The following TRAPPC10 variants were observed in gnomAD, a reference collection of about 807,000 sequenced individuals.
TRAPPC10 encodes the protein TRAPP 130 kDa subunit.
A neutral mutation model predicts 125.5 loss-of-function variants in TRAPPC10; 23 were observed. That is an observed-to-expected ratio of 0.18 (90% CI 0.13 to 0.26). The LOEUF is 0.26. Among genes scored for constraint, TRAPPC10 ranks in the 10% least tolerant of loss-of-function variants. TRAPPC10 has a pLI of 1.00. For synonymous variants in TRAPPC10, 509 were observed against 518.0 expected (o/e 0.98, Z 0.24); for missense variants, 1,123 against 1,308.4 (o/e 0.86, Z 2.19).
At chr21:44,044,660 C>CTTTTTTT (rs34356064) in intron 3 of TRAPPC10, among the ~76,000 whole-genome samples, 6 of 86,330 alleles carry the variant, frequency 7.0e-5, no homozygotes, top group African/African-American at 2.2e-4. Flanking sequence ...AAAATCATGT[C>CTTTTTTT]TTTTTTTTTT....
chr21:44,021,406 AAG>A (rs1201470516), intron 1 of TRAPPC10, among the ~76,000 whole-genome samples: 1 of 152,208 alleles, frequency 6.6e-6, no homozygotes, highest in Non-Finnish European at 1.5e-5. Context: ...AAAAAAGAAA[AAG>A]AGAAGGATAA....
intron 1 of TRAPPC10, among the ~76,000 whole-genome samples, chr21:44,027,138 G>T (rs1210775188): frequency 6.6e-6 from 1 of 152,142 alleles, no homozygotes; most frequent in Non-Finnish European, 1.5e-5. Context: ...AAGAAAAATT[G>T]TCCTGTATCA....
Position 44,084,158 on chromosome 21 carries a change from T to C in TRAPPC10, c.2275T>C (p.Cys759Arg). 2 of 1,614,250 alleles carry C rather than the reference T, an allele frequency of 1.2e-6. No homozygotes were observed. Among genetic ancestry groups the C allele is most frequent in the Non-Finnish European group, 1.7e-6 (2 of 1,180,048 alleles). The change falls in exon 15 of 23, where the codon TGC (cysteine) becomes CGC (arginine). Residue 759 changes from cysteine (C) to arginine (R), a missense_variant. Physicochemically the swap from Cys to Arg is radical, Grantham distance 180. This residue lies in a region of TRAPPC10 where 840 missense variants were observed against 902.0 expected (regional missense o/e 0.93). Transcript: ENST00000291574. ...TGGAACGTATACACTCAGGCAGCTGTGCGCCTCGGTGGGCTCCGTGTGGTT... is the reference window on the plus strand; with the variant it reads ...TGGAACGTATACACTCAGGCAGCTGCGCGCCTCGGTGGGCTCCGTGTGGTT... Reference protein sequence around the residue: ...EPGTYTLRQLCASVGSVWFVL... With the variant: ...EPGTYTLRQLRASVGSVWFVL...
In TRAPPC10 at chr21:44,087,822, C is replaced by A; in HGVS notation, c.2663C>A (p.Ala888Asp). 6.2e-7 allele frequency: 1 copy of A among 1,614,228 alleles called. No individual in the cohort carries two copies. Among genetic ancestry groups the A allele is most frequent in the Non-Finnish European group, 8.5e-7 (1 of 1,180,036 alleles). Reference sequence around the variant, plus strand: ...CTGGAAGTTCTCTCTTTACCTTCAGCCCCAGCACTCGGAGGGGAGAGTGAC... The same window carrying A: ...CTGGAAGTTCTCTCTTTACCTTCAGACCCAGCACTCGGAGGGGAGAGTGAC... ...FELEVLSLPSAPALGGESDML... is the reference protein window; with the variant it reads ...FELEVLSLPSDPALGGESDML... Residue 888 changes from alanine to aspartate, a missense_variant, in exon 17 of 23, where the codon GCC (alanine) becomes GAC (aspartate). By Grantham distance (126) the Ala-to-Asp change is moderately radical (BLOSUM62 -2). This residue lies in a region of TRAPPC10 where 840 missense variants were observed against 902.0 expected (regional missense o/e 0.93). Coordinates refer to ENST00000291574, the MANE Select transcript of TRAPPC10 (RefSeq NM_003274.5). This position sits in a 1 kb window ranked among gnomAD's most constrained non-coding sequence, Gnocchi z 4.6.
At chr21:44,061,859 T>C (rs2036082955) in intron 6 of TRAPPC10, among the ~76,000 whole-genome samples, 1 of 152,238 alleles carries the variant, frequency 6.6e-6, no homozygotes, top group Non-Finnish European at 1.5e-5. Context: ...GGTCATATCA[T>C]AGGAGCTTTA....
At chr21:44,054,942 G>C (rs973955313) in intron 4 of TRAPPC10, among the ~76,000 whole-genome samples, 1 of 152,120 alleles carries the variant, frequency 6.6e-6, no homozygotes, top group African/African-American at 2.4e-5. Flanking sequence ...AGAGGAGAGC[G>C]GGAGAAGGTC....
intron 18 of TRAPPC10, among the ~76,000 whole-genome samples, chr21:44,091,121 G>A (rs1326268306): frequency 6.6e-6 from 1 of 152,200 alleles, no homozygotes; most frequent in East Asian, 1.9e-4. Context: ...AACCTGGGAG[G>A]CAGAGGTTGC....
chr21:44,094,122 T>A lies in TRAPPC10; in HGVS notation c.3057T>A (p.Pro1019=), dbSNP rs1259454081. 1.4e-5 allele frequency: 22 copies of A among 1,614,074 alleles called. No homozygotes were observed. The highest frequency in any genetic ancestry group is 1.9e-5 in the Non-Finnish European group (22 of 1,179,974). The change falls in exon 20 of 23, where the codon CCT becomes CCA. Residue 1019 remains proline, a synonymous_variant. Transcript: ENST00000291574. ...FVWELKWTEE[P]PPSLHCRFSV... ...GGGAACTCAAGTGGACAGAAGAGCCTCCCCCTTCTCTGCATTGCCGGTTCT... is the reference window on the plus strand; with the variant it reads ...GGGAACTCAAGTGGACAGAAGAGCCACCCCCTTCTCTGCATTGCCGGTTCT...
chr21:44,012,758 C>T (rs755936107), intron 1 of TRAPPC10, among the ~76,000 whole-genome samples, 198 bp downstream of exon 1: 9 of 151,960 alleles, frequency 5.9e-5, no homozygotes, highest in Admixed American at 2.0e-4. Context: ...CGCCGGGCGA[C>T]CTCTGACCCC....
intron 7 of TRAPPC10, among the ~76,000 whole-genome samples, chr21:44,073,434 T>TG (rs1402178571): frequency 6.6e-6 from 1 of 152,230 alleles, no homozygotes; most frequent in Non-Finnish European, 1.5e-5. Flanking sequence ...TGCCACTTGA[T>TG]TAAGAGAAAC....
chr21:44,023,265 C>A (rs994728567), intron 1 of TRAPPC10, among the ~76,000 whole-genome samples: 1 of 151,768 alleles, frequency 6.6e-6, no homozygotes, highest in Non-Finnish European at 1.5e-5. Context: ...ATCTCCTGAC[C>A]TCGTCGTGAT....
At position 44,082,428 on chromosome 21, in the gene TRAPPC10, GA is replaced by G. The variant is rs1380659516; in HGVS notation, c.1724-356del. On this transcript the variant is annotated intron_variant, in intron 13 of 22. Coordinates refer to ENST00000291574, the MANE Select transcript of TRAPPC10 (RefSeq NM_003274.5). This position sits in a 1 kb window ranked among gnomAD's most constrained non-coding sequence, Gnocchi z 4.4. ...ACTGAGCATGTTTTTAAGTAGGTGA[GA>G]AAATATTGGAATCCCTTGGAAATAG... Among the ~76,000 whole-genome samples, 1 of 152,202 alleles carries G rather than the reference GA, an allele frequency of 6.6e-6. No individual in the cohort carries two copies. The highest frequency in any genetic ancestry group is 1.5e-5 in the Non-Finnish European group (1 of 68,044).
At chr21:44,093,463 GA>G (rs906867750) in intron 19 of TRAPPC10, among the ~76,000 whole-genome samples, 35 of 131,944 alleles carry the variant, frequency 2.7e-4, no homozygotes, top group East Asian at 6.9e-4. Context: ...CTAAAAAAGG[GA>G]AAAAAAAAAT....
chr21:44,040,305 T>C (rs1162721755), intron 3 of TRAPPC10, among the ~76,000 whole-genome samples: 1 of 152,160 alleles, frequency 6.6e-6, no homozygotes. Context: ...GCTTCTGTGT[T>C]TTACACTTTA....
In TRAPPC10 at chr21:44,016,721, T is replaced by G. The variant is rs576987164; in HGVS notation, c.67+4161T>G. ...TTGCCCAGGCTGGAGTGCAGTGGTG[T>G]GATCTTGGCTAACTGCAAGCTCCGC... On this transcript the variant is annotated intron_variant, in intron 1 of 22. Transcript: ENST00000291574. Among the ~76,000 whole-genome samples, 119 of 152,304 alleles carry G rather than the reference T, an allele frequency of 7.8e-4. No individual in the cohort carries two copies. In the South Asian group the frequency reaches 0.013, roughly 16 times the overall value.
In TRAPPC10 at chr21:44,087,103, G is replaced by A. The variant is rs149605223; in HGVS notation, c.2539+143G>A. ...AGTCCGTGTTCCATAGGAGCCCTGC[G>A]GCCTGATGCCTGTGCTGGGGTCCCA... On this transcript the variant is annotated intron_variant, in intron 16 of 22. Coordinates refer to ENST00000291574, the MANE Select transcript of TRAPPC10 (RefSeq NM_003274.5). This position sits in a 1 kb window ranked among gnomAD's most constrained non-coding sequence, Gnocchi z 4.6. 3.6e-4 allele frequency: 336 copies of A among 924,032 alleles called. 4 individuals carry two copies. The East Asian group carries it at 7.8e-3, about 21-fold the overall frequency. The allele number at this position is 924,032 out of a possible 1,614,324, so 57.2% of individuals were successfully genotyped here.
rs565574065 is a variant in TRAPPC10, at chr21:44,057,307, T to C, written c.678+1414T>C. Among the ~76,000 whole-genome samples, 14 of 149,124 alleles carry C rather than the reference T, an allele frequency of 9.4e-5. No individual in the cohort carries two copies. In the East Asian group the frequency reaches 1.4e-3, roughly 15 times the overall value. On this transcript the variant is annotated intron_variant, in intron 5 of 22. Transcript: ENST00000291574. ...TGTAGTCTTCTCTCTCTCTCTCTCTTTTTTTTTTTATGATGGAGTCTTGCT... is the reference window on the plus strand; with the variant it reads ...TGTAGTCTTCTCTCTCTCTCTCTCTCTTTTTTTTTATGATGGAGTCTTGCT...
chr21:44,068,714 C>G (rs1467788532), intron 7 of TRAPPC10, among the ~76,000 whole-genome samples: 1 of 152,104 alleles, frequency 6.6e-6, no homozygotes, highest in Non-Finnish European at 1.5e-5. Context: ...AATTCTCCTG[C>G]CTCAGCCAGT....
chr21:44,014,505 A>G (rs1437568843), intron 1 of TRAPPC10, among the ~76,000 whole-genome samples: 1 of 151,864 alleles, frequency 6.6e-6, no homozygotes, highest in Non-Finnish European at 1.5e-5. Flanking sequence ...TCCCGGGTTC[A>G]AGCGATTCTC....
Sources: gnomAD v4.1 joint callset for allele counts (sites outside exome capture counted in the v4.1 genomes callset) on GRCh38, gnomAD v4.1.1 for gene constraint, gnomAD v4.1.1 regional missense constraint, Gnocchi (gnomAD v3.1) non-coding constraint, MANE v1.5 for transcripts, NCBI Gene and HGNC (gene_info 2026-07-23, HGNC 2026-07-21) for gene names.